The following PRKCD variants were observed in gnomAD, a reference collection of about 807,000 sequenced individuals.
PRKCD encodes the protein protein kinase C delta type.
PRKCD carries 20 observed loss-of-function variants against 82.2 expected under a neutral mutation model. The ratio of observed to expected loss-of-function variants is 0.24; its 90% CI spans 0.17 to 0.35. The LOEUF (loss-of-function observed/expected upper bound fraction) is 0.35, where lower values mean the gene tolerates loss of function less well. Ranked by LOEUF, PRKCD falls within the 10% of genes least tolerant of loss-of-function variation. The probability of loss-of-function intolerance (pLI) is 1.00; values close to 1 mark genes in which losing one functional copy is unlikely to be tolerated. For synonymous variants in PRKCD, 317 were observed against 337.0 expected, an observed-to-expected ratio of 0.94 and a Z score of 0.65; for missense variants, 607 against 899.0, an observed-to-expected ratio of 0.68 and a Z score of 4.15.
chr3:53,166,110 C>T (rs1261343221), intron 2 of PRKCD, among the ~76,000 whole-genome samples: 2 of 152,136 alleles, frequency 1.3e-5, no homozygotes, highest in Admixed American at 6.5e-5. Context: ...GGCTGTTACG[C>T]ACCTATAGGT....
intron 4 of PRKCD, 133 bp from the exon 5 acceptor site, chr3:53,181,074 G>A: frequency 2.1e-6 from 2 of 932,232 alleles, no homozygotes; most frequent in East Asian, 5.3e-5. Flanking sequence ...ACACTGGGCA[G>A]ACAAGTGTCT....
intron 2 of PRKCD, among the ~76,000 whole-genome samples, chr3:53,171,753 A>G (rs1553664975): frequency 6.6e-6 from 1 of 152,188 alleles, no homozygotes; most frequent in Non-Finnish European, 1.5e-5. Context: ...CTGCAAAAAT[A>G]TGGGGGCTGG....
Position 53,177,137 on chromosome 3 carries a change from G to A in PRKCD, c.-19-1267G>A, listed in dbSNP as rs116228149. Among the ~76,000 whole-genome samples the A allele has an allele frequency of 3.7e-3, 558 of 152,022 alleles. 6 individuals are homozygous for A. Among genetic ancestry groups the A allele is most frequent in the African/African-American group, 0.013 (534 of 41,466 alleles). On this transcript the variant is annotated intron_variant, in intron 2 of 18. Transcript: ENST00000330452. ...GAGCCACCGCGCCTAGGCAGTTTGG[G>A]TTCTTTTTTTAAGAGATAGGGTCTC...
Position 53,181,191 on chromosome 3 carries a change from C to A in PRKCD, c.316-16C>A, listed in dbSNP as rs1397737370. On this transcript the variant is annotated splice_polypyrimidine_tract_variant and intron_variant, in intron 4 of 18. Coordinates refer to ENST00000330452, the MANE Select transcript of PRKCD (RefSeq NM_006254.4). ...CTCACTGACCTTGTTCTCCCCTGGC[C>A]TCTGGCCCCCAACAGCTGGACCTGC... 6.2e-7 allele frequency: 1 copy of A among 1,612,588 alleles called. No homozygotes were observed. The highest frequency in any genetic ancestry group is 1.7e-5 in the Admixed American group (1 of 59,794).
At chr3:53,183,013 G>A in intron 7 of PRKCD, 108 bp from the exon 8 acceptor site, 2 of 1,115,026 alleles carry the variant, frequency 1.8e-6, no homozygotes, top group South Asian at 2.7e-5. Flanking sequence ...GCGGTCAGGA[G>A]AACGGTGGCT....
chr3:53,186,507 T>A lies in PRKCD; in HGVS notation c.1261-97T>A, dbSNP rs1341064199. On this transcript the variant is annotated intron_variant, in intron 13 of 18. Coordinates refer to ENST00000330452, the MANE Select transcript of PRKCD (RefSeq NM_006254.4). ...AGTCGTCCACCTCAGCCAGGGCCTG[T>A]CCCTGCTGTTTCCTGTTGGGGCTTG... 5 of 1,386,242 alleles carry A rather than the reference T, an allele frequency of 3.6e-6. No homozygotes were observed. The Admixed American group carries it at 7.3e-5, about 20-fold the overall frequency. 85.9% of individuals were successfully genotyped at this position (1,386,242 alleles called of 1,614,324 possible).
chr3:53,183,374 G>C (rs1703537927), intron 8 of PRKCD, 78 bp from the exon 9 acceptor site: 1 of 1,597,680 alleles, frequency 6.3e-7, no homozygotes, highest in Non-Finnish European at 8.5e-7. Flanking sequence ...TTGTGCCCAG[G>C]GTTGGGGGAG....
In PRKCD at chr3:53,182,828, A is replaced by G. The variant is rs1233241574; in HGVS notation, c.572-293A>G. Among the ~76,000 whole-genome samples, 3 of 152,124 alleles carry G rather than the reference A, an allele frequency of 2.0e-5. No homozygotes were observed. In the East Asian group the frequency reaches 5.8e-4, roughly 29 times the overall value. On this transcript the variant is annotated intron_variant, in intron 7 of 18. Coordinates refer to ENST00000330452, the MANE Select transcript of PRKCD (RefSeq NM_006254.4). Reference sequence around the variant, plus strand: ...TGGAAGAACTGCCCCCGCTTCTCATATTGCGATGCCCTGTGCCCGCTAACT... The same window carrying G: ...TGGAAGAACTGCCCCCGCTTCTCATGTTGCGATGCCCTGTGCCCGCTAACT...
intron 18 of PRKCD, 75 bp from the exon 19 acceptor site, chr3:53,192,033 C>T (rs782640117): frequency 6.1e-5 from 93 of 1,520,206 alleles, no homozygotes; most frequent in Non-Finnish European, 8.2e-5. Flanking sequence ...CCCAGCCCTG[C>T]AGGGACTCCA....
rs1199642722 is a variant in PRKCD at position 53,161,327 on chromosome 3, C to G, written c.-233C>G. On this transcript the variant is annotated 5_prime_UTR_variant, in exon 1 of 19. Coordinates refer to ENST00000330452, the MANE Select transcript of PRKCD (RefSeq NM_006254.4). ...GGCCACACCTCACTGGCCGCTTGGC[C>G]CATCCCAGTCAGCGCCGCGCCGAAC... 2.7e-5 allele frequency: 4 copies of G among 150,160 alleles called. No individual in the cohort carries two copies. The highest frequency in any genetic ancestry group is 5.9e-5 in the Non-Finnish European group (4 of 67,338). 9.3% of individuals were successfully genotyped at this position (150,160 alleles called of 1,614,324 possible).
At chr3:53,191,627 G>T (rs141979845) in intron 18 of PRKCD, among the ~76,000 whole-genome samples, 2 of 152,116 alleles carry the variant, frequency 1.3e-5, no homozygotes, top group African/African-American at 2.4e-5. Flanking sequence ...GGCTTTTCAG[G>T]CTTGATGGTC....
At chr3:53,175,614 A>G (rs1427758841) in intron 2 of PRKCD, among the ~76,000 whole-genome samples, 1 of 152,102 alleles carries the variant, frequency 6.6e-6, no homozygotes, top group Non-Finnish European at 1.5e-5. Context: ...TCTCTCCCCT[A>G]GGAGCCCAGG....
intron 2 of PRKCD, among the ~76,000 whole-genome samples, chr3:53,175,060 C>G (rs1553665619): frequency 6.6e-6 from 1 of 152,242 alleles, no homozygotes; most frequent in East Asian, 1.9e-4. Flanking sequence ...ACGCATACCT[C>G]CTGCTGGGCA....
rs1187118011 is a variant in PRKCD, at chr3:53,179,645, C to T, written c.184C>T (p.His62Tyr). 6.2e-7 allele frequency: 1 copy of T among 1,614,100 alleles called. No individual in the cohort carries two copies. The highest frequency in any genetic ancestry group is 8.5e-7 in the Non-Finnish European group (1 of 1,179,980). Residue 62 changes from histidine to tyrosine, a missense_variant, in exon 4 of 19, where the codon CAC (histidine) becomes TAC (tyrosine). Transcript: ENST00000330452. The stretch of plus-strand genomic sequence containing the variant: ...TGAGTGGAAGTCGACGTTCGATGCC[C>T]ACATCTATGAGGGGCGCGTCATCCA... ...YPEWKSTFDA[H>Y]IYEGRVIQIV...
intron 2 of PRKCD, among the ~76,000 whole-genome samples, chr3:53,176,429 T>C (rs953702644): frequency 2.0e-5 from 3 of 152,272 alleles, no homozygotes; most frequent in African/African-American, 7.2e-5. Flanking sequence ...TGGCCACTGC[T>C]CTGGCCACCT....
At chr3:53,188,942 T>A in intron 16 of PRKCD, 84 bp downstream of exon 16, 1 of 1,591,000 alleles carries the variant, frequency 6.3e-7, no homozygotes, top group African/African-American at 1.3e-5. Context: ...CCAAGGGCAG[T>A]GATGTCCAAG....
At chr3:53,171,885 GAGCCTAGGAGGTTCCC>G (rs1703042830) in intron 2 of PRKCD, among the ~76,000 whole-genome samples, 1 of 152,168 alleles carries the variant, frequency 6.6e-6, no homozygotes, top group South Asian at 2.1e-4. Flanking sequence ...GGGGCAGTGA[GAGCCTAGGAGGTTCCC>G]AGCTGTGGGA....
intron 2 of PRKCD, among the ~76,000 whole-genome samples, chr3:53,166,807 C>T (rs1353128020): frequency 6.6e-6 from 1 of 152,254 alleles, no homozygotes; most frequent in Non-Finnish European, 1.5e-5. Flanking sequence ...CCCATGCATT[C>T]AGCAGCCACC....
intron 2 of PRKCD, among the ~76,000 whole-genome samples, chr3:53,168,938 C>A (rs1553664354): frequency 6.6e-6 from 1 of 151,436 alleles, no homozygotes; most frequent in Non-Finnish European, 1.5e-5. Flanking sequence ...CAGGGGGTGA[C>A]AAAATCTGTC....
Sources: gnomAD v4.1 joint callset for allele counts (sites outside exome capture counted in the v4.1 genomes callset) on GRCh38, gnomAD v4.1.1 for gene constraint, MANE v1.5 for transcripts, NCBI Gene and HGNC (gene_info 2026-07-23, HGNC 2026-07-21) for gene names.